Variants in RNGTT observed in about 807,000 individuals in gnomAD.
RNGTT encodes mRNA-capping enzyme.
In RNGTT, 33 loss-of-function variants were observed where a neutral mutation model predicts 79.3. The observed-to-expected ratio is 0.42, with a 90% CI of 0.32 to 0.56. The LOEUF (loss-of-function observed/expected upper bound fraction) is 0.56, where lower values mean the gene tolerates loss of function less well. Ranked by LOEUF, RNGTT falls within the 20% of genes least tolerant of loss-of-function variation. The pLI is 0.17. For missense variants in RNGTT, 497 were observed against 739.1 expected (o/e 0.67, Z 3.80); for synonymous variants, 222 against 235.9 (o/e 0.94, Z 0.54).
intron 12 of RNGTT, among the ~76,000 whole-genome samples, chr6:88,792,205 G>T (rs1355425931): frequency 6.6e-6 from 1 of 152,150 alleles, no homozygotes; most frequent in Non-Finnish European, 1.5e-5. Flanking sequence ...ATTTCTCATT[G>T]TATGATGCAG....
chr6:88,933,640 T>C (rs1214345112), intron 2 of RNGTT, among the ~76,000 whole-genome samples: 1 of 152,216 alleles, frequency 6.6e-6, no homozygotes, highest in Non-Finnish European at 1.5e-5. Flanking sequence ...ATCAACTTTT[T>C]TGGCTCCCAC....
chr6:88,639,137 C>CT (rs1044357904), intron 14 of RNGTT, among the ~76,000 whole-genome samples: 34 of 152,174 alleles, frequency 2.2e-4, no homozygotes, highest in African/African-American at 7.5e-4. Flanking sequence ...CCATGAATAA[C>CT]TTTTTTTATT....
At chr6:88,642,422 C>T (rs1773356562) in intron 14 of RNGTT, among the ~76,000 whole-genome samples, 1 of 152,094 alleles carries the variant, frequency 6.6e-6, no homozygotes, top group Admixed American at 6.6e-5. Flanking sequence ...TAAATGCTTG[C>T]TTTAAAAAGC....
At chr6:88,962,937 C>T (rs775382353) in intron 1 of RNGTT, among the ~76,000 whole-genome samples, 2 of 151,982 alleles carry the variant, frequency 1.3e-5, no homozygotes, top group African/African-American at 2.4e-5. Context: ...AATGTGACCC[C>T]ATTTCACCGC....
At chr6:88,956,348 C>T (rs1368094738) in intron 1 of RNGTT, among the ~76,000 whole-genome samples, 6 of 151,614 alleles carry the variant, frequency 4.0e-5, no homozygotes, top group Admixed American at 2.0e-4. Context: ...AAGACTGAAA[C>T]AGTCATAAAA....
intron 1 of RNGTT, among the ~76,000 whole-genome samples, chr6:88,958,773 A>T (rs1395669068): frequency 6.6e-6 from 1 of 152,230 alleles, no homozygotes; most frequent in African/African-American, 2.4e-5. Context: ...AATGTAAATT[A>T]TTACAACCAC....
At chr6:88,773,903 A>G (rs937478045) in intron 12 of RNGTT, among the ~76,000 whole-genome samples, 6 of 152,308 alleles carry the variant, frequency 3.9e-5, no homozygotes, top group East Asian at 3.9e-4. Flanking sequence ...ATTTGGCAGT[A>G]GATTTTTAGT....
At chr6:88,778,099 C>A (rs975734344) in intron 12 of RNGTT, among the ~76,000 whole-genome samples, 3 of 152,090 alleles carry the variant, frequency 2.0e-5, no homozygotes, top group African/African-American at 7.2e-5. Flanking sequence ...ATTGATTGAT[C>A]TGCATATGTT....
At position 88,727,291 on chromosome 6, in the gene RNGTT, T is replaced by C. The variant is rs1776946429; in HGVS notation, c.1439+42483A>G. On this transcript the variant is annotated intron_variant, in intron 13 of 15. Coordinates refer to ENST00000369485, the MANE Select transcript of RNGTT (RefSeq NM_003800.5). ...TTGGTAAAAGGATTATAAGTAGGCATAAGAATGTGGATTTTTACATACATT... is the reference window on the plus strand; with the variant it reads ...TTGGTAAAAGGATTATAAGTAGGCACAAGAATGTGGATTTTTACATACATT... Among the ~76,000 whole-genome samples the C allele has an allele frequency of 3.3e-5, 5 of 152,238 alleles. No individual in the cohort carries two copies. The South Asian group carries it at 1.0e-3, about 32-fold the overall frequency.
At chr6:88,875,931 C>A (rs559182760) in intron 8 of RNGTT, among the ~76,000 whole-genome samples, 1 of 152,198 alleles carries the variant, frequency 6.6e-6, no homozygotes, top group South Asian at 2.1e-4. Context: ...TGAAACTACC[C>A]CAAATTGCCA....
At chr6:88,805,027 T>A (rs889244494) in intron 11 of RNGTT, among the ~76,000 whole-genome samples, 16 of 152,348 alleles carry the variant, frequency 1.1e-4, no homozygotes, top group Admixed American at 1.0e-3. Context: ...AAAAAGTTCC[T>A]CATTCATTTA....
chr6:88,629,910 C>T (rs1438704464), intron 14 of RNGTT, among the ~76,000 whole-genome samples: 1 of 152,156 alleles, frequency 6.6e-6, no homozygotes, highest in Non-Finnish European at 1.5e-5. Context: ...AGGATATTCT[C>T]ACACTAGCAT....
intron 14 of RNGTT, among the ~76,000 whole-genome samples, chr6:88,624,309 A>C (rs1772545773): frequency 6.6e-6 from 1 of 151,986 alleles, no homozygotes; most frequent in African/African-American, 2.4e-5. Flanking sequence ...AAGAAGTGAT[A>C]CTAACTGATC....
intron 10 of RNGTT, among the ~76,000 whole-genome samples, chr6:88,849,083 AC>A (rs1781582814): frequency 6.6e-6 from 1 of 151,812 alleles, no homozygotes; most frequent in South Asian, 2.1e-4. Flanking sequence ...AAACAAAGCC[AC>A]CCCGCCACCC....
chr6:88,831,356 A>C (rs1780857747), intron 11 of RNGTT, among the ~76,000 whole-genome samples: 1 of 152,222 alleles, frequency 6.6e-6, no homozygotes. Context: ...TTATCTCAAT[A>C]AATGCAGAAA....
intron 11 of RNGTT, among the ~76,000 whole-genome samples, chr6:88,828,338 T>C (rs1308135332): frequency 6.6e-6 from 1 of 152,108 alleles, no homozygotes; most frequent in African/African-American, 2.4e-5. Context: ...CAGAAAGGAA[T>C]AGCATCAACA....
intron 13 of RNGTT, among the ~76,000 whole-genome samples, chr6:88,768,204 G>C (rs1423768049): frequency 3.3e-5 from 5 of 151,120 alleles, no homozygotes; most frequent in Admixed American, 2.6e-4. Flanking sequence ...ACTTGCTCTG[G>C]GCTCAAGCAA....
chr6:88,815,574 A>T (rs1039549563), intron 11 of RNGTT, among the ~76,000 whole-genome samples: 1 of 152,146 alleles, frequency 6.6e-6, no homozygotes, highest in Non-Finnish European at 1.5e-5. Flanking sequence ...GTATTCCAAT[A>T]GGTTTTTGTC....
chr6:88,642,568 A>C (rs1773364628), intron 14 of RNGTT, among the ~76,000 whole-genome samples: 1 of 152,204 alleles, frequency 6.6e-6, no homozygotes, highest in African/African-American at 2.4e-5. Context: ...TGACATTCTC[A>C]AATGTAAGTC....
Sources: allele counts gnomAD v4.1 joint callset (sites outside exome capture counted in the v4.1 genomes callset), GRCh38; gene constraint gnomAD v4.1.1; transcripts MANE v1.5; gene names NCBI Gene and HGNC (gene_info 2026-07-23, HGNC 2026-07-21).